CYBB: variants seen among roughly 807,000 people sequenced by gnomAD.
CYBB encodes the protein cytochrome b-245 beta chain.
Under a neutral mutation model 46.5 loss-of-function variants are expected in CYBB, and 5 were observed. That is an observed-to-expected ratio of 0.11 (90% CI 0.06 to 0.23). The LOEUF is 0.23. CYBB is among the 10% of genes least tolerant of loss of function. CYBB has a pLI of 1.00. For synonymous variants in CYBB, 183 were observed against 156.7 expected, an observed-to-expected ratio of 1.17 and a Z score of -1.26; for missense variants, 307 against 428.3, an observed-to-expected ratio of 0.72 and a Z score of 2.50.
intron 10 of CYBB, 68 bp downstream of exon 10, chrX:37,805,236 T>G (rs1929536037): frequency 9.2e-7 from 1 of 1,085,859 alleles, no homozygotes; most frequent in Non-Finnish European, 1.3e-6. Flanking sequence ...GGCCTGAGAG[T>G]GCTTTCAGGG....
At chrX:37,806,361 T>C in intron 10 of CYBB, 26 bp from the exon 11 acceptor site, 1 of 1,208,091 alleles carries the variant, frequency 8.3e-7, no homozygotes, top group Non-Finnish European at 1.1e-6. Context: ...AAATATAATC[T>C]GCTTCATGAT....
intron 2 of CYBB, 81 bp from the exon 3 acceptor site, chrX:37,783,409 G>T: frequency 4.7e-6 from 3 of 639,008 alleles, no homozygotes; most frequent in Non-Finnish European, 5.2e-6. Context: ...GTGGCCTCAT[G>T]CTAAGAACCT....
At position 37,796,056 on chromosome X, in the gene CYBB, A is replaced by C; in HGVS notation, c.589A>C (p.Ile197Leu). Residue 197 changes from isoleucine to leucine, a missense_variant, in exon 6 of 13, where the codon ATC becomes CTC. Ile to Leu is a conservative substitution (Grantham distance 5). Coordinates refer to ENST00000378588, the MANE Select transcript of CYBB (RefSeq NM_000397.4). ...AATTATCACTTCCTCCACCAAAACCATCCGGAGGTCTTACTTTGAAGTCTT... is the reference window on the plus strand; with the variant it reads ...AATTATCACTTCCTCCACCAAAACCCTCCGGAGGTCTTACTTTGAAGTCTT... ...ILIITSSTKT[I>L]RRSYFEVFWY... 8.3e-7 allele frequency: 1 copy of C among 1,208,199 alleles called. No individual in the cohort carries two copies. The highest frequency in any genetic ancestry group is 1.1e-6 in the Non-Finnish European group (1 of 892,342).
intron 3 of CYBB, among the ~76,000 whole-genome samples, chrX:37,785,063 A>G (rs1929033543): frequency 8.9e-6 from 1 of 112,369 alleles, no homozygotes; most frequent in Non-Finnish European, 1.9e-5. Context: ...ATTTACTAAT[A>G]TAGGACTAGA....
At chrX:37,784,432 A>G (rs1466021658) in intron 3 of CYBB, among the ~76,000 whole-genome samples, 1 of 111,734 alleles carries the variant, frequency 8.9e-6, no homozygotes, top group Admixed American at 9.5e-5. Flanking sequence ...AGTATATAAA[A>G]ATAAGCTTCT....
At chrX:37,790,558 A>G (rs1253207724) in intron 3 of CYBB, among the ~76,000 whole-genome samples, 5 of 110,986 alleles carry the variant, frequency 4.5e-5, no homozygotes, top group Non-Finnish European at 7.6e-5. Context: ...TAATTTTTTT[A>G]TTTTTCCTTT....
At chrX:37,805,216 T>G (rs911237005) in intron 10 of CYBB, 48 bp downstream of exon 10, 18 of 1,169,508 alleles carry the variant, frequency 1.5e-5, no homozygotes, top group Non-Finnish European at 2.0e-5. Context: ...AACCATACTC[T>G]GCCATGTGAG....
chrX:37,793,779 G>A lies in CYBB; in HGVS notation c.452G>A (p.Ser151Asn), dbSNP rs782500733. The A allele has an allele frequency of 1.1e-5, 13 of 1,205,973 alleles. No individual in the cohort carries two copies. The Admixed American group carries it at 2.9e-4, about 27-fold the overall frequency. Residue 151 changes from serine (S) to asparagine (N), a missense_variant, in exon 5 of 13, where the codon AGT (serine) becomes AAT (asparagine). Around this residue, in one of 3 missense-constraint regions of CYBB, gnomAD observed 103 missense variants for 150.2 expected, o/e 0.69. Transcript: ENST00000378588. ...LSELGDRQNE[S>N]YLNFARKRIK... ...GAACTTGGAGACAGGCAAAATGAAA[G>A]TTATCTCAATTTTGCTCGAAAGAGA...
chrX:37,796,924 C>T (rs946961870), intron 6 of CYBB, among the ~76,000 whole-genome samples: 30 of 111,606 alleles, frequency 2.7e-4, no homozygotes, highest in African/African-American at 9.1e-4. Context: ...ACACACAGTT[C>T]CTGGCTATGT....
At chrX:37,783,397 G>C in intron 2 of CYBB, 93 bp from the exon 3 acceptor site, 1 of 579,078 alleles carries the variant, frequency 1.7e-6, no homozygotes. Context: ...TGTCTCTGGT[G>C]TGTGGCCTCA....
chrX:37,812,673 T>C lies in CYBB; in HGVS notation c.*1756T>C, dbSNP rs1279984242. On this transcript the variant is annotated 3_prime_UTR_variant, in exon 13 of 13. Coordinates refer to ENST00000378588, the MANE Select transcript of CYBB (RefSeq NM_000397.4). Reference sequence around the variant, plus strand: ...TAGGATGAACTAAATAAGAACTCAGTTGTTCTTTGTCATACTACTATTCCT... The same window carrying C: ...TAGGATGAACTAAATAAGAACTCAGCTGTTCTTTGTCATACTACTATTCCT... 1 of 111,830 alleles carries C rather than the reference T, an allele frequency of 8.9e-6. No individual in the cohort carries two copies. The highest frequency in any genetic ancestry group is 1.9e-5 in the Non-Finnish European group (1 of 53,112). 9.2% of individuals were successfully genotyped at this position (111,830 alleles called of 1,213,427 possible).
rs1183767520 is a variant in CYBB, at chrX:37,798,836, C to T, written c.675-119C>T. ...CTATTCAGAGGGAGCAATAAGCTAT[C>T]GCTTTTAAGTGAAAAGTACAGGGCC... On this transcript the variant is annotated intron_variant, in intron 6 of 12. Transcript: ENST00000378588. 33 of 719,849 alleles carry T rather than the reference C, an allele frequency of 4.6e-5. No individual in the cohort carries two copies. In the East Asian group the frequency reaches 9.5e-4, roughly 21 times the overall value. 59.3% of individuals were successfully genotyped at this position (719,849 alleles called of 1,213,427 possible). A position where few individuals can be genotyped will look rare whatever the true frequency, so the allele number is the denominator to read the frequency against.
At chrX:37,787,058 A>G (rs1929086271) in intron 3 of CYBB, among the ~76,000 whole-genome samples, 1 of 111,952 alleles carries the variant, frequency 8.9e-6, no homozygotes, top group Admixed American at 9.5e-5. Context: ...AGCACTGGGG[A>G]CATGTGGTAA....
At chrX:37,785,381 T>C (rs1410207887) in intron 3 of CYBB, among the ~76,000 whole-genome samples, 1 of 112,484 alleles carries the variant, frequency 8.9e-6, no homozygotes, top group East Asian at 2.8e-4. Context: ...CAACAGTACT[T>C]GGTATTAAAC....
intron 8 of CYBB, among the ~76,000 whole-genome samples, chrX:37,803,311 C>G (rs1281379700): frequency 5.5e-5 from 6 of 109,070 alleles, no homozygotes; most frequent in African/African-American, 2.1e-4. Context: ...TTGCACCAAC[C>G]TAATACTAAG....
Position 37,793,767 on chromosome X carries a change from G to A in CYBB, c.440G>A (p.Arg147Lys). ...GTAGCACTCTCTGAACTTGGAGACA[G>A]GCAAAATGAAAGTTATCTCAATTTT... ...YSVALSELGD[R>K]QNESYLNFAR... is the part of the protein sequence containing the mutation. Residue 147 changes from arginine to lysine, a missense_variant, in exon 5 of 13, where the codon AGG (arginine) becomes AAG (lysine). By Grantham distance (26) the Arg-to-Lys change is conservative. Coordinates refer to ENST00000378588, the MANE Select transcript of CYBB (RefSeq NM_000397.4). The A allele has an allele frequency of 8.3e-7, 1 of 1,208,828 alleles. No homozygotes were observed. Among genetic ancestry groups the A allele is most frequent in the Non-Finnish European group, 1.1e-6 (1 of 893,830 alleles).
chrX:37,783,507 C>T lies in CYBB; in HGVS notation c.159C>T (p.Ala53=), dbSNP rs1483634031. 3 of 1,205,627 alleles carry T rather than the reference C, an allele frequency of 2.5e-6. No individual in the cohort carries two copies. The highest frequency in any genetic ancestry group is 3.5e-5 in the African/African-American group (2 of 57,037). ...RKLLGSALAL[A]RAPAACLNFN... is the part of the protein sequence containing the mutation. ...TCTTCTAGTCAGCACTGGCACTGGC[C>T]AGGGCCCCTGCAGCCTGCCTGAATT... Residue 53 remains alanine, a synonymous_variant, in exon 3 of 13, where the codon GCC becomes GCT. Transcript: ENST00000378588.
intron 2 of CYBB, 148 bp downstream of exon 2, chrX:37,782,331 G>T: frequency 2.0e-6 from 1 of 501,447 alleles, no homozygotes; most frequent in Non-Finnish European, 3.5e-6. Context: ...GCAACTTCCT[G>T]GGCAACAGTC....
At chrX:37,795,874 T>C in intron 5 of CYBB, 77 bp from the exon 6 acceptor site, 2 of 773,444 alleles carry the variant, frequency 2.6e-6, no homozygotes, top group Non-Finnish European at 3.9e-6. Context: ...GAACCTATAA[T>C]ATTGTGCTTG....
Sources: gnomAD v4.1 joint callset for allele counts (sites outside exome capture counted in the v4.1 genomes callset) on GRCh38, gnomAD v4.1.1 for gene constraint, gnomAD v4.1.1 regional missense constraint, MANE v1.5 for transcripts, NCBI Gene and HGNC (gene_info 2026-07-23, HGNC 2026-07-21) for gene names.